The following RPS6KC1 variants were observed in gnomAD, a reference collection of about 807,000 sequenced individuals.
RPS6KC1 encodes inactive ribosomal protein S6 kinase delta-1.
In RPS6KC1, 54 loss-of-function variants were observed where a neutral mutation model predicts 103.8. The ratio of observed to expected loss-of-function variants is 0.52; its 90% CI spans 0.42 to 0.65. The LOEUF is 0.65. RPS6KC1 is among the 30% of genes least tolerant of loss of function. The pLI is 0.00. For synonymous variants in RPS6KC1, 439 were observed against 438.7 expected, an observed-to-expected ratio of 1.00 and a Z score of -0.01; for missense variants, 1,151 against 1,253.8, an observed-to-expected ratio of 0.92 and a Z score of 1.24.
chr1:213,482,647 C>T, the RPS6KC1 span, among the ~76,000 whole-genome samples: 1 of 142,422 alleles, frequency 7.0e-6, no homozygotes. Flanking sequence ...CTCCTGGGCT[C>T]AAGCGACTCT....
At chr1:213,137,777 C>CTCTCTCTCTCTCTCTCTATATATA (rs1387641875) in intron 6 of RPS6KC1, among the ~76,000 whole-genome samples, 1 of 63,594 alleles carries the variant, frequency 1.6e-5, no homozygotes, top group African/African-American at 1.1e-4. Context: ...CTCTCTCTCT[C>CTCTCTCTCTCTCTCTCTATATATA]TATATATATA....
At chr1:213,834,161 TC>T in the RPS6KC1 span, among the ~76,000 whole-genome samples, 9 of 152,224 alleles carry the variant, frequency 5.9e-5, no homozygotes, top group Admixed American at 3.3e-4. Flanking sequence ...CACTTCAGCC[TC>T]CCAAGTAGCT....
intron 6 of RPS6KC1, among the ~76,000 whole-genome samples, chr1:213,163,793 G>A (rs930932427): frequency 6.6e-6 from 1 of 151,972 alleles, no homozygotes; most frequent in Non-Finnish European, 1.5e-5. Context: ...TCTTTTACAT[G>A]GTATGACATA....
chr1:213,338,799 G>A, the RPS6KC1 span, among the ~76,000 whole-genome samples: 106 of 148,412 alleles, frequency 7.1e-4, no homozygotes, highest in African/African-American at 2.6e-3. Context: ...GAGACAAGGT[G>A]TCACTATGTT....
chr1:213,701,307 CAAT>C, the RPS6KC1 span, among the ~76,000 whole-genome samples: 4 of 151,842 alleles, frequency 2.6e-5, no homozygotes, highest in Admixed American at 2.0e-4. Context: ...TCAGTTGAAA[CAAT>C]GATGTGGTTT....
the RPS6KC1 span, among the ~76,000 whole-genome samples, chr1:213,467,448 A>T: frequency 6.6e-6 from 1 of 152,268 alleles, no homozygotes; most frequent in Non-Finnish European, 1.5e-5. Flanking sequence ...GGAACAATGT[A>T]TCAGCGAACT....
At chr1:213,136,406 C>A (rs2086269291) in intron 6 of RPS6KC1, among the ~76,000 whole-genome samples, 1 of 151,842 alleles carries the variant, frequency 6.6e-6, no homozygotes. Context: ...AACTGAACGG[C>A]ATAACCATGG....
intron 7 of RPS6KC1, among the ~76,000 whole-genome samples, chr1:213,171,760 G>A (rs1572997502): frequency 1.3e-5 from 2 of 152,186 alleles, no homozygotes; most frequent in East Asian, 1.9e-4. Context: ...TGAGACATTT[G>A]CTTAAGTCAG....
chr1:213,846,238 C>G, the RPS6KC1 span, among the ~76,000 whole-genome samples: 4 of 150,496 alleles, frequency 2.7e-5, no homozygotes, highest in Non-Finnish European at 4.4e-5. Context: ...AGGCGGAGGT[C>G]GCAGTGAACC....
chr1:213,736,070 G>GGAC, the RPS6KC1 span, among the ~76,000 whole-genome samples: 1 of 152,176 alleles, frequency 6.6e-6, no homozygotes, highest in Non-Finnish European at 1.5e-5. Context: ...AGTAAGGCAG[G>GGAC]GACAGTAACC....
chr1:213,784,833 A>T, the RPS6KC1 span, among the ~76,000 whole-genome samples: 1 of 152,192 alleles, frequency 6.6e-6, no homozygotes, highest in East Asian at 1.9e-4. Context: ...CCATTAAGTG[A>T]GTAAAACTCT....
At chr1:213,372,478 G>C in the RPS6KC1 span, among the ~76,000 whole-genome samples, 1 of 152,190 alleles carries the variant, frequency 6.6e-6, no homozygotes, top group African/African-American at 2.4e-5. Flanking sequence ...CTGTCGAGGG[G>C]GAGCAGGCTG....
chr1:213,822,349 C>A, the RPS6KC1 span: 1 of 152,112 alleles, frequency 6.6e-6, no homozygotes, highest in Non-Finnish European at 1.5e-5. Flanking sequence ...TCTATCTATT[C>A]CACCTGCCTT....
the RPS6KC1 span, among the ~76,000 whole-genome samples, chr1:213,744,508 G>A: frequency 1.3e-4 from 20 of 152,176 alleles, no homozygotes; most frequent in Admixed American, 1.3e-3. Flanking sequence ...AAGTTCTGAA[G>A]CAATGTCCTA....
At chr1:213,440,042 A>G in the RPS6KC1 span, among the ~76,000 whole-genome samples, 1 of 152,320 alleles carries the variant, frequency 6.6e-6, no homozygotes, top group Non-Finnish European at 1.5e-5. Flanking sequence ...TTTGATTATG[A>G]CATGCCTTGC....
chr1:213,615,373 A>G, the RPS6KC1 span, among the ~76,000 whole-genome samples: 1 of 152,238 alleles, frequency 6.6e-6, no homozygotes, highest in Non-Finnish European at 1.5e-5. Flanking sequence ...TGTTATGTGG[A>G]TAAACAGAAG....
At chr1:213,335,213 A>T in the RPS6KC1 span, among the ~76,000 whole-genome samples, 25 of 152,374 alleles carry the variant, frequency 1.6e-4, no homozygotes, top group African/African-American at 6.0e-4. Flanking sequence ...ATCACATTTC[A>T]TGGCCTCAAG....
At chr1:213,656,082 T>C in the RPS6KC1 span, among the ~76,000 whole-genome samples, 1 of 152,218 alleles carries the variant, frequency 6.6e-6, no homozygotes, top group Non-Finnish European at 1.5e-5. Flanking sequence ...TTATGAGTAT[T>C]AATTAATCCT....
intron 12 of RPS6KC1, among the ~76,000 whole-genome samples, chr1:213,260,927 C>T (rs2094777440): frequency 6.6e-6 from 1 of 152,132 alleles, no homozygotes; most frequent in African/African-American, 2.4e-5. Context: ...CTTATCTTAG[C>T]CAATAGTTTC....
Sources: gnomAD v4.1 joint callset for allele counts (sites outside exome capture counted in the v4.1 genomes callset) on GRCh38, gnomAD v4.1.1 for gene constraint, MANE v1.5 for transcripts, NCBI Gene and HGNC (gene_info 2026-07-23, HGNC 2026-07-21) for gene names.